ABCA1: variants seen among roughly 807,000 people sequenced by gnomAD.
ABCA1 encodes the protein phospholipid-transporting ATPase ABCA1.
Under a neutral mutation model 262.5 loss-of-function variants are expected in ABCA1, and 133 were observed. The ratio of observed to expected loss-of-function variants is 0.51; its 90% CI spans 0.44 to 0.59. ABCA1 has a LOEUF of 0.59. ABCA1 is among the 20% of genes least tolerant of loss of function. The pLI is 0.00. For missense variants in ABCA1, 2,452 were observed against 2,777.5 expected, an observed-to-expected ratio of 0.88 and a Z score of 2.63; for synonymous variants, 1,022 against 1,043.5, an observed-to-expected ratio of 0.98 and a Z score of 0.40.
At position 104,786,406 on chromosome 9, in the gene ABCA1, AAG is replaced by A. The variant is rs1828935081; in HGVS notation, c.6309-18_6309-17del. ...TTCTTCCATACTGCGGTAAAACAGA[AAG>A]AGGTTTTAGTTTTAGAGAGATTCTC... On this transcript the variant is annotated splice_polypyrimidine_tract_variant and intron_variant, in intron 47 of 49. Transcript: ENST00000374736. 1 of 1,609,762 alleles carries A rather than the reference AAG, an allele frequency of 6.2e-7. No homozygotes were observed. Among genetic ancestry groups the A allele is most frequent in the African/African-American group, 1.3e-5 (1 of 74,852 alleles).
chr9:104,911,923 C>T (rs2118483380), intron 1 of ABCA1, among the ~76,000 whole-genome samples: 1 of 152,324 alleles, frequency 6.6e-6, no homozygotes, highest in Admixed American at 6.5e-5. Flanking sequence ...TCTGCTATCA[C>T]ACTGTCCGTT....
intron 37 of ABCA1, among the ~76,000 whole-genome samples, chr9:104,798,201 T>C (rs377049807): frequency 1.1e-4 from 17 of 152,386 alleles, no homozygotes; most frequent in African/African-American, 3.6e-4. Context: ...ATTTTCATCA[T>C]TGTGTACAGA....
In ABCA1 at chr9:104,919,585, C is replaced by G. The variant is rs552163388; in HGVS notation, c.-93+8350G>C. 1.1e-4 allele frequency among the ~76,000 whole-genome samples: 16 copies of G among 151,716 alleles called. No individual in the cohort carries two copies. In the East Asian group the frequency reaches 3.1e-3, roughly 29 times the overall value. On this transcript the variant is annotated intron_variant, in intron 1 of 49. Transcript: ENST00000374736. ...CGAGATTGCGCCACTGCACTCCAGCCTGGGCAACATAACGAGACTCCATCT... is the reference window on the plus strand; with the variant it reads ...CGAGATTGCGCCACTGCACTCCAGCGTGGGCAACATAACGAGACTCCATCT...
intron 1 of ABCA1, among the ~76,000 whole-genome samples, chr9:104,920,903 C>T (rs1198937544): frequency 6.6e-6 from 1 of 152,170 alleles, no homozygotes; most frequent in Non-Finnish European, 1.5e-5. Flanking sequence ...TATACACAAA[C>T]ACAAATACCT....
intron 2 of ABCA1, among the ~76,000 whole-genome samples, chr9:104,893,683 T>C (rs1839967584): frequency 6.6e-6 from 1 of 152,090 alleles, no homozygotes; most frequent in Non-Finnish European, 1.5e-5. Flanking sequence ...TGTCTTGATT[T>C]TATATGTAGC....
Position 104,861,667 on chromosome 9 carries a change from G to T in ABCA1, c.543+12C>A. On this transcript the variant is annotated intron_variant, in intron 6 of 49. Coordinates refer to ENST00000374736, the MANE Select transcript of ABCA1 (RefSeq NM_005502.4). ...ATCAGCCCTACTGAGGAAGCTGGAGGCATCAGCTTACCTTGTGGAGAATGA... is the reference window on the plus strand; with the variant it reads ...ATCAGCCCTACTGAGGAAGCTGGAGTCATCAGCTTACCTTGTGGAGAATGA... 1 of 1,614,084 alleles carries T rather than the reference G, an allele frequency of 6.2e-7. No individual in the cohort carries two copies. Among genetic ancestry groups the T allele is most frequent in the South Asian group, 1.1e-5 (1 of 91,078 alleles).
intron 1 of ABCA1, among the ~76,000 whole-genome samples, chr9:104,920,800 G>A (rs1404902298): frequency 6.6e-6 from 1 of 152,176 alleles, no homozygotes; most frequent in Non-Finnish European, 1.5e-5. Context: ...AGAAGCCATC[G>A]CGCCCGGCCT....
In ABCA1 at chr9:104,825,743, T is replaced by C. The variant is rs753392135; in HGVS notation, c.2482A>G (p.Met828Val). ...CCATAGAGGAAGGTGTCAAACAGCA[T>C]CATGGAGACCGAAGTGGTGAGATTG... ...GFNLTTSVSMMLFDTFLYGVM... is the reference protein window; with the variant it reads ...GFNLTTSVSMVLFDTFLYGVM... The change falls in exon 17 of 50, where the codon ATG becomes GTG. Residue 828 changes from methionine (M) to valine (V), a missense_variant. Physicochemically the swap from Met to Val is conservative, Grantham distance 21. Around this residue, in one of 4 missense-constraint regions of ABCA1, gnomAD observed 1,032 missense variants for 1,089.7 expected, o/e 0.95. Transcript: ENST00000374736. 6.2e-7 allele frequency: 1 copy of C among 1,614,192 alleles called. No individual in the cohort carries two copies. The highest frequency in any genetic ancestry group is 8.5e-7 in the Non-Finnish European group (1 of 1,180,028).
chr9:104,855,345 C>T (rs984622627), intron 7 of ABCA1: 2 of 174,156 alleles, frequency 1.1e-5, no homozygotes, highest in Admixed American at 6.5e-5. Context: ...TACAGGTGTG[C>T]GCCACCACGC....
Position 104,817,414 on chromosome 9 carries a change from A to T in ABCA1, c.3463-10T>A. 6.2e-7 allele frequency: 1 copy of T among 1,614,182 alleles called. No individual in the cohort carries two copies. The highest frequency in any genetic ancestry group is 8.5e-7 in the Non-Finnish European group (1 of 1,179,992). ...GAGAAACACTGTCCTCCTGATGGCAAAGAAGGAGGTGAGAACGGGTCAGGG... is the reference window on the plus strand; with the variant it reads ...GAGAAACACTGTCCTCCTGATGGCATAGAAGGAGGTGAGAACGGGTCAGGG... On this transcript the variant is annotated splice_polypyrimidine_tract_variant and intron_variant, in intron 23 of 49. Coordinates refer to ENST00000374736, the MANE Select transcript of ABCA1 (RefSeq NM_005502.4). The surrounding 1 kb of genome is among the most constrained non-coding windows in gnomAD (Gnocchi z 4.7).
At chr9:104,845,437 T>C (rs749228517) in intron 8 of ABCA1, 40 bp downstream of exon 8, 3 of 1,424,542 alleles carry the variant, frequency 2.1e-6, no homozygotes, top group Non-Finnish European at 3.0e-6. Context: ...ACTGATACAG[T>C]GGATGATCCG....
chr9:104,815,708 G>A (rs1351898582), intron 25 of ABCA1, among the ~76,000 whole-genome samples: 1 of 152,350 alleles, frequency 6.6e-6, no homozygotes, highest in East Asian at 1.9e-4. Flanking sequence ...ATACCTGGCT[G>A]TGACACAGTC....
intron 18 of ABCA1, among the ~76,000 whole-genome samples, chr9:104,824,239 C>T (rs950215776): frequency 6.6e-6 from 1 of 152,132 alleles, no homozygotes; most frequent in Non-Finnish European, 1.5e-5. Flanking sequence ...GCCAAGACAA[C>T]AAAGAAAATG....
rs575781804 is a variant in ABCA1, at chr9:104,845,588, C to T, written c.721-19G>A. 1 of 1,547,068 alleles carries T rather than the reference C, an allele frequency of 6.5e-7. No homozygotes were observed. Among genetic ancestry groups the T allele is most frequent in the African/African-American group, 1.4e-5 (1 of 73,712 alleles). Reference sequence around the variant, plus strand: ...GTGTTCTCTGTAATGAGAAAGAAAACTTTGTTTCTGAATTCAAATGTAAAC... The same window carrying T: ...GTGTTCTCTGTAATGAGAAAGAAAATTTTGTTTCTGAATTCAAATGTAAAC... On this transcript the variant is annotated intron_variant, in intron 7 of 49. Coordinates refer to ENST00000374736, the MANE Select transcript of ABCA1 (RefSeq NM_005502.4).
Position 104,792,874 on chromosome 9 carries a change from T to A in ABCA1, c.5669A>T (p.Asp1890Val). The A allele has an allele frequency of 6.2e-7, 1 of 1,614,110 alleles. No homozygotes were observed. The highest frequency in any genetic ancestry group is 1.1e-5 in the South Asian group (1 of 91,086). ...PVNAKLSPLN[D>V]EDEDVRRERQ... ...TTCCCGCCTCACATCTTCATCTTCA[T>A]CATTCAGAGGAGATAGCTTTGCATT... Residue 1890 changes from aspartate (D) to valine (V), a missense_variant, in exon 42 of 50, where the codon GAT becomes GTT. Asp to Val is a radical substitution (Grantham distance 152). Coordinates refer to ENST00000374736, the MANE Select transcript of ABCA1 (RefSeq NM_005502.4).
chr9:104,885,670 C>T (rs1028002256), intron 3 of ABCA1, among the ~76,000 whole-genome samples: 11 of 152,148 alleles, frequency 7.2e-5, no homozygotes, highest in Non-Finnish European at 1.5e-4. Flanking sequence ...TCCTAGGATT[C>T]GGTCTGGCAC....
chr9:104,797,573 A>AT (rs1241392494), intron 37 of ABCA1, among the ~76,000 whole-genome samples: 13 of 103,328 alleles, frequency 1.3e-4, no homozygotes, highest in East Asian at 6.5e-4. Flanking sequence ...GCTTTTGAAA[A>AT]CGGACATTCA....
Position 104,788,539 on chromosome 9 carries a change from G to A in ABCA1, c.5956C>T (p.Gln1986Ter). The part of the protein sequence containing the change: ...SILSNIHEVH[Q>*]NMGYCPQFDA... ...AACTGAGGGCAGTAGCCCATGTTCT[G>A]ATGTACTTCATGGATGTTTGATAAG... Residue 1986 changes from glutamine (Q) to a stop codon, truncating the protein, a stop_gained, in exon 45 of 50, where the codon CAG (glutamine) becomes TAG (stop). Transcript: ENST00000374736. LOFTEE classifies it high-confidence loss of function. 4 of 1,614,188 alleles carry A rather than the reference G, an allele frequency of 2.5e-6. No individual in the cohort carries two copies. Among genetic ancestry groups the A allele is most frequent in the Non-Finnish European group, 3.4e-6 (4 of 1,180,022 alleles).
intron 11 of ABCA1, among the ~76,000 whole-genome samples, chr9:104,833,017 T>G (rs943323653): frequency 6.6e-6 from 1 of 152,224 alleles, no homozygotes; most frequent in African/African-American, 2.4e-5. Context: ...CAGACCAGTC[T>G]GAATTCAGAG....
Sources: allele counts gnomAD v4.1 joint callset (sites outside exome capture counted in the v4.1 genomes callset), GRCh38; gene constraint gnomAD v4.1.1; regional missense constraint gnomAD v4.1.1; non-coding constraint Gnocchi (gnomAD v3.1); transcripts MANE v1.5; gene names NCBI Gene and HGNC (gene_info 2026-07-23, HGNC 2026-07-21).